The following TBXA2R variants were observed in gnomAD, a reference collection of about 807,000 sequenced individuals.
TBXA2R encodes thromboxane A2 receptor.
TBXA2R carries 15 observed loss-of-function variants against 15.6 expected under a neutral mutation model. The ratio of observed to expected loss-of-function variants is 0.96; its 90% CI spans 0.64 to 1.48. The LOEUF (loss-of-function observed/expected upper bound fraction) is 1.48. Ranked by LOEUF, TBXA2R falls within the 40% of genes most tolerant of loss-of-function variation. The pLI, the probability that TBXA2R is intolerant of heterozygous loss-of-function variation, is 0.00. For missense variants in TBXA2R, 506 were observed against 491.4 expected (o/e 1.03, Z -0.28); for synonymous variants, 280 against 241.2 (o/e 1.16, Z -1.49).
In TBXA2R at chr19:3,604,813, C is replaced by G. The variant is rs576366621; in HGVS notation, c.-84+1717G>C. Among the ~76,000 whole-genome samples, 7 of 152,328 alleles carry G rather than the reference C, an allele frequency of 4.6e-5. No homozygotes were observed. In the South Asian group the frequency reaches 1.4e-3, roughly 32 times the overall value. On this transcript the variant is annotated intron_variant, in intron 1 of 2. Coordinates refer to ENST00000375190, the MANE Select transcript of TBXA2R (RefSeq NM_001060.6). Reference sequence around the variant, plus strand: ...AACTCCCTACAAGGTGCCCGGGCAGCCAGCAGGGAGCCCTGAGGCTCCGTG... The same window carrying G: ...AACTCCCTACAAGGTGCCCGGGCAGGCAGCAGGGAGCCCTGAGGCTCCGTG...
intron 1 of TBXA2R, among the ~76,000 whole-genome samples, chr19:3,605,202 A>T (rs2032806892): frequency 6.6e-6 from 1 of 152,202 alleles, no homozygotes; most frequent in Non-Finnish European, 1.5e-5. Context: ...GGGAGCATGT[A>T]CGGAGCTCCG....
chr19:3,603,326 G>A (rs2032773511), intron 1 of TBXA2R, among the ~76,000 whole-genome samples: 2 of 152,252 alleles, frequency 1.3e-5, no homozygotes, highest in South Asian at 2.1e-4. Flanking sequence ...TGGGAAGACA[G>A]CTAAGGCCAC....
chr19:3,599,860 G>A lies in TBXA2R; in HGVS notation c.775C>T (p.Leu259=), dbSNP rs1423155211. 6.5e-7 allele frequency: 1 copy of A among 1,549,112 alleles called. No individual in the cohort carries two copies. Among genetic ancestry groups the A allele is most frequent in the Non-Finnish European group, 8.7e-7 (1 of 1,146,984 alleles). ...GAGCCCCTACTCACCAGAAGGGGCAGCCAACACACGCTGGCCACCACCATG... is the reference window on the plus strand; with the variant it reads ...GAGCCCCTACTCACCAGAAGGGGCAACCAACACACGCTGGCCACCACCATG... The part of the protein sequence containing the change: ...GIMVVASVCW[L]PLLVFIAQTV... Residue 259 remains leucine (L), a synonymous_variant, in exon 2 of 3, where the codon CTG becomes TTG. Coordinates refer to ENST00000375190, the MANE Select transcript of TBXA2R (RefSeq NM_001060.6).
In TBXA2R at chr19:3,595,639, G is replaced by A. The variant is rs200990645; in HGVS notation, c.*49C>T. ...AGAACAGGCAGATGGGCTGTCCGAG[G>A]GGCCAAGGGCTCCGCGGAAAGGCGC... On this transcript the variant is annotated 3_prime_UTR_variant, in exon 3 of 3. Transcript: ENST00000375190. The A allele has an allele frequency of 5.3e-6, 8 of 1,520,532 alleles. No individual in the cohort carries two copies. In the African/African-American group the frequency reaches 8.2e-5, roughly 16 times the overall value. 94.2% of individuals were successfully genotyped at this position (1,520,532 alleles called of 1,614,324 possible).
chr19:3,599,605 C>G (rs1243719356), intron 2 of TBXA2R, among the ~76,000 whole-genome samples: 2 of 152,174 alleles, frequency 1.3e-5, no homozygotes, highest in Non-Finnish European at 2.9e-5. Context: ...GCTGGGATTA[C>G]AGGCGTGAGC....
chr19:3,606,558 A>G lies in TBXA2R; in HGVS notation c.-112T>C, dbSNP rs899533858. The G allele has an allele frequency of 6.6e-6, 1 of 151,858 alleles. No individual in the cohort carries two copies. Among genetic ancestry groups the G allele is most frequent in the African/African-American group, 2.4e-5 (1 of 41,354 alleles). The allele number at this position is 151,858 out of a possible 1,614,324, so 9.4% of individuals were successfully genotyped here. A position where few individuals can be genotyped will look rare whatever the true frequency, so the allele number is the denominator to read the frequency against. On this transcript the variant is annotated 5_prime_UTR_variant, in exon 1 of 3. Coordinates refer to ENST00000375190, the MANE Select transcript of TBXA2R (RefSeq NM_001060.6). The stretch of plus-strand genomic sequence containing the variant: ...CAGAGACCTCATCTGCGGGGCTCCC[A>G]CCTGGCTGGATCCCGCGCCCGGGGG...
At position 3,595,731 on chromosome 19, in the gene TBXA2R, A is replaced by G; in HGVS notation, c.989T>C (p.Leu330Pro). Residue 330 changes from leucine (L) to proline (P), a missense_variant, in exon 3 of 3, where the codon CTG becomes CCG. Transcript: ENST00000375190. ...CTGCGTGAGCTGGGGCTGGAGGGACAGCGACCTGGGCCGGGTGCTGAGGCG... is the reference window on the plus strand; with the variant it reads ...CTGCGTGAGCTGGGGCTGGAGGGACGGCGACCTGGGCCGGGTGCTGAGGCG... ...QPRLSTRPRS[L>P]SLQPQLTQRS... 4.4e-6 allele frequency: 7 copies of G among 1,601,628 alleles called. No individual in the cohort carries two copies. Among genetic ancestry groups the G allele is most frequent in the Non-Finnish European group, 6.0e-6 (7 of 1,174,998 alleles).
In TBXA2R at chr19:3,602,852, C is replaced by T. The variant is rs542706513; in HGVS notation, c.-83-2135G>A. 5.4e-3 allele frequency among the ~76,000 whole-genome samples: 811 copies of T among 151,222 alleles called. 11 individuals are homozygous for T. Among genetic ancestry groups the T allele is most frequent in the African/African-American group, 0.019 (777 of 41,170 alleles). On this transcript the variant is annotated intron_variant, in intron 1 of 2. Transcript: ENST00000375190. The stretch of plus-strand genomic sequence containing the variant: ...GAGATCGAGACCATCCTGGCTAACA[C>T]GGTGAAACCCCGTCTCTACTAAAAA...
At chr19:3,598,781 G>A (rs1204808115) in intron 2 of TBXA2R, among the ~76,000 whole-genome samples, 2 of 152,110 alleles carry the variant, frequency 1.3e-5, no homozygotes, top group Non-Finnish European at 2.9e-5. Context: ...CGATTCTCTT[G>A]CCTCAGCCTC....
At chr19:3,603,438 A>G (rs920670871) in intron 1 of TBXA2R, among the ~76,000 whole-genome samples, 3 of 151,816 alleles carry the variant, frequency 2.0e-5, no homozygotes, top group Non-Finnish European at 4.4e-5. Context: ...GTTGCCCTCC[A>G]CTCCGGGCTG....
At chr19:3,599,782 A>G (rs1480616094) in intron 2 of TBXA2R, 67 bp downstream of exon 2, 3 of 1,546,894 alleles carry the variant, frequency 1.9e-6, no homozygotes, top group South Asian at 1.2e-5. Flanking sequence ...ATCAGGATCT[A>G]AATCCACCCT....
chr19:3,599,046 C>G lies in TBXA2R; in HGVS notation c.786+803G>C, dbSNP rs532347304. ...CAAAATAGAGGCAAAAATTGAGTGA[C>G]ATAAAAATGACATGAAATTCAAATT... is the stretch of plus-strand genomic sequence containing the variant. On this transcript the variant is annotated intron_variant, in intron 2 of 2. Transcript: ENST00000375190. Among the ~76,000 whole-genome samples, 4 of 152,312 alleles carry G rather than the reference C, an allele frequency of 2.6e-5. No individual in the cohort carries two copies. In the South Asian group the frequency reaches 8.3e-4, roughly 32 times the overall value.
rs769120773 is a variant in TBXA2R at position 3,600,560 on chromosome 19, G to C, written c.75C>G (p.Ile25Met). The change falls in exon 2 of 3, where the codon ATC becomes ATG. Residue 25 changes from isoleucine (I) to methionine (M), a missense_variant. Physicochemically the swap from Ile to Met is conservative, Grantham distance 10. Coordinates refer to ENST00000375190, the MANE Select transcript of TBXA2R (RefSeq NM_001060.6). The part of the protein sequence containing the change: ...TNITLEERRL[I>M]ASPWFAASFC... ...AGGAGGCGGCGAACCAGGGCGAGGC[G>C]ATCAGCCGTCTCTCCTCCAGGGTAA... is the stretch of plus-strand genomic sequence containing the variant. 1 of 1,611,900 alleles carries C rather than the reference G, an allele frequency of 6.2e-7. No individual in the cohort carries two copies. Among genetic ancestry groups the C allele is most frequent in the South Asian group, 1.1e-5 (1 of 91,064 alleles).
At chr19:3,600,963 G>A (rs2032727863) in intron 1 of TBXA2R, among the ~76,000 whole-genome samples, 1 of 151,008 alleles carries the variant, frequency 6.6e-6, no homozygotes. Flanking sequence ...CAAATAGCTG[G>A]GACTACAGGC....
Position 3,595,755 on chromosome 19 carries a change from C to T in TBXA2R, c.965G>A (p.Arg322His), listed in dbSNP as rs200383897. The change falls in exon 3 of 3, where the codon CGC (arginine) becomes CAC (histidine). Residue 322 changes from arginine (R) to histidine (H), a missense_variant. Arg to His is a conservative substitution (Grantham distance 29). Transcript: ENST00000375190. Reference protein sequence around the residue: ...RRAVLRRLQPRLSTRPRSLSL... With the variant: ...RRAVLRRLQPHLSTRPRSLSL... ...CAGCGACCTGGGCCGGGTGCTGAGG[C>T]GAGGCTGGAGACGCCGGAGCACGGC... 9.3e-6 allele frequency: 15 copies of T among 1,606,598 alleles called. No individual in the cohort carries two copies. The highest frequency in any genetic ancestry group is 2.2e-5 in the South Asian group (2 of 89,754).
intron 1 of TBXA2R, among the ~76,000 whole-genome samples, chr19:3,601,982 G>T (rs1227479161): frequency 6.6e-6 from 1 of 151,954 alleles, no homozygotes; most frequent in Non-Finnish European, 1.5e-5. Flanking sequence ...AGCACTTTGG[G>T]AGGCCGAGGC....
chr19:3,602,415 T>G (rs2032754858), intron 1 of TBXA2R, among the ~76,000 whole-genome samples: 1 of 151,570 alleles, frequency 6.6e-6, no homozygotes, highest in African/African-American at 2.4e-5. Context: ...GTGTGCGAGA[T>G]GGAGGTGCCA....
intron 2 of TBXA2R, among the ~76,000 whole-genome samples, chr19:3,599,239 C>T (rs1452658963): frequency 1.3e-5 from 2 of 152,148 alleles, no homozygotes; most frequent in African/African-American, 2.4e-5. Context: ...ACTGCAGCCT[C>T]AACCTCCCAG....
chr19:3,600,482 G>A lies in TBXA2R; in HGVS notation c.153C>T (p.Gly51=), dbSNP rs201810680. 2.1e-4 allele frequency: 342 copies of A among 1,612,334 alleles called. 1 individual carries two copies. The highest frequency in any genetic ancestry group is 2.7e-4 in the Non-Finnish European group (319 of 1,179,588). Residue 51 remains glycine (G), a synonymous_variant, in exon 2 of 3, where the codon GGC becomes GGT. Transcript: ENST00000375190. ...SNLLALSVLA[G]ARQGGSHTRS... ...GCGTGTGCGAACCCCCCTGCCGCGC[G>A]CCCGCCAGCACGCTCAGGGCCAGCA...
Sources: gnomAD v4.1 joint callset for allele counts (sites outside exome capture counted in the v4.1 genomes callset) on GRCh38, gnomAD v4.1.1 for gene constraint, MANE v1.5 for transcripts, NCBI Gene and HGNC (gene_info 2026-07-23, HGNC 2026-07-21) for gene names.